The following UBE2W variants were observed in gnomAD, a reference collection of about 807,000 sequenced individuals.
The protein encoded by UBE2W is ubiquitin-conjugating enzyme E2 W.
A neutral mutation model predicts 27.2 loss-of-function variants in UBE2W; 18 were observed. That is an observed-to-expected ratio of 0.66 (90% CI 0.46 to 0.98). UBE2W has a LOEUF of 0.98. Ranked by LOEUF, UBE2W falls within the 50% of genes least tolerant of loss-of-function variation. UBE2W has a pLI of 0.00. For synonymous variants in UBE2W, 53 were observed against 57.2 expected (o/e 0.93, Z 0.33); for missense variants, 90 against 180.2 (o/e 0.50, Z 2.87).
chr8:73,874,768 T>C (rs1812148028), intron 1 of UBE2W, among the ~76,000 whole-genome samples: 1 of 152,232 alleles, frequency 6.6e-6, no homozygotes, highest in African/African-American at 2.4e-5. Flanking sequence ...ATTCTCTTAA[T>C]GATGGTTTCT....
chr8:73,871,160 A>C (rs992996307), intron 1 of UBE2W, among the ~76,000 whole-genome samples: 1 of 152,212 alleles, frequency 6.6e-6, no homozygotes, highest in African/African-American at 2.4e-5. Context: ...GCAAGAAATG[A>C]GGATGTCATC....
chr8:73,838,260 C>T (rs866527125), intron 1 of UBE2W, among the ~76,000 whole-genome samples: 31 of 152,252 alleles, frequency 2.0e-4, no homozygotes, highest in Non-Finnish European at 4.3e-4. Context: ...TGATATGAAA[C>T]CACACTAATT....
Position 73,790,757 on chromosome 8 carries a change from C to T in UBE2W, c.*3345G>A, listed in dbSNP as rs1239298522. ...GCTTTTAAAAAATAAGACTTGATTA[C>T]CAGAAACAAGTAATATGTAGTTACA... On this transcript the variant is annotated 3_prime_UTR_variant, in exon 6 of 6. Transcript: ENST00000602593. The T allele has an allele frequency of 3.5e-5, 34 of 974,888 alleles. No individual in the cohort carries two copies. The highest frequency in any genetic ancestry group is 6.2e-5 in the Admixed American group (1 of 16,246). 60.4% of individuals were successfully genotyped at this position (974,888 alleles called of 1,614,324 possible).
chr8:73,786,117 T>C (rs1020291852), downstream of UBE2W: 18 of 707,686 alleles, frequency 2.5e-5, no homozygotes, highest in Non-Finnish European at 2.9e-5. Context: ...TATGATTTTA[T>C]GGTTCCTGAG....
At chr8:73,807,128 T>C (rs1187300442) in intron 4 of UBE2W, among the ~76,000 whole-genome samples, 1 of 152,248 alleles carries the variant, frequency 6.6e-6, no homozygotes, top group Admixed American at 6.5e-5. Context: ...TTATAGATAC[T>C]ATGATAGATA....
At chr8:73,838,118 T>C (rs1018935000) in intron 1 of UBE2W, among the ~76,000 whole-genome samples, 1 of 152,190 alleles carries the variant, frequency 6.6e-6, no homozygotes, top group African/African-American at 2.4e-5. Flanking sequence ...TAAGAAGGAT[T>C]CTGATACATC....
In UBE2W at chr8:73,787,198, C is replaced by G. The variant is rs1056338845; in HGVS notation, c.*6904G>C. 2.0e-6 allele frequency: 2 copies of G among 985,320 alleles called. No homozygotes were observed. The highest frequency in any genetic ancestry group is 2.4e-6 in the Non-Finnish European group (2 of 829,946). The allele number at this position is 985,320 out of a possible 1,614,324, so 61.0% of individuals were successfully genotyped here. A position where few individuals can be genotyped will look rare whatever the true frequency, so the allele number is the denominator to read the frequency against. ...TGGTTGAAAGGGGCTCCCAACAGGA[C>G]AGATAACCACAGTGGCTTTGAGCTT... On this transcript the variant is annotated 3_prime_UTR_variant, in exon 6 of 6. Transcript: ENST00000602593.
intron 1 of UBE2W, among the ~76,000 whole-genome samples, chr8:73,862,412 G>T (rs1279450106): frequency 6.6e-6 from 1 of 152,110 alleles, no homozygotes; most frequent in Non-Finnish European, 1.5e-5. Context: ...ATTAAATAGG[G>T]AATCCTTTCC....
intron 1 of UBE2W, among the ~76,000 whole-genome samples, chr8:73,842,988 G>T (rs992834218): frequency 6.6e-6 from 1 of 151,988 alleles, no homozygotes; most frequent in African/African-American, 2.4e-5. Context: ...ATTTTATTTC[G>T]CCTTCAAAAA....
intron 1 of UBE2W, among the ~76,000 whole-genome samples, chr8:73,866,001 G>A (rs1012387594): frequency 2.6e-5 from 4 of 151,976 alleles, no homozygotes; most frequent in Admixed American, 2.6e-4. Flanking sequence ...CAGCAGACCA[G>A]GAGCAGTGGC....
chr8:73,849,075 T>C (rs1810948677), intron 1 of UBE2W, among the ~76,000 whole-genome samples: 1 of 151,880 alleles, frequency 6.6e-6, no homozygotes, highest in South Asian at 2.1e-4. Context: ...ATGGAAAATG[T>C]TAATTGTTGA....
chr8:73,816,208 T>C (rs74833987), intron 3 of UBE2W, among the ~76,000 whole-genome samples: 8,201 of 152,264 alleles, frequency 0.054, 704 homozygotes, highest in African/African-American at 0.18. Flanking sequence ...TGGATGGTAA[T>C]CATTCTCTTC....
At chr8:73,842,035 A>C (rs2623809) in intron 1 of UBE2W, among the ~76,000 whole-genome samples, 2 of 152,136 alleles carry the variant, frequency 1.3e-5, no homozygotes, top group Non-Finnish European at 2.9e-5. Context: ...GTGGCCTCAA[A>C]GCAACCAGCA....
intron 1 of UBE2W, among the ~76,000 whole-genome samples, chr8:73,849,512 CAAAAAAAAAAAAAAAAAAA>C (rs71269951): frequency 4.4e-5 from 1 of 22,772 alleles, no homozygotes; most frequent in Non-Finnish European, 7.7e-5. Context: ...AACTCCATCT[CAAAAAAAAAAAAAAAAAAA>C]AAAAAAAAAA....
At chr8:73,805,472 C>CAAAAAACAAAACAAA (rs1808855133) in intron 5 of UBE2W, among the ~76,000 whole-genome samples, 179 bp downstream of exon 5, 1 of 43,676 alleles carries the variant, frequency 2.3e-5, no homozygotes, top group South Asian at 9.2e-4. Flanking sequence ...AAAAAAAAAA[C>CAAAAAACAAAACAAA]AAAAAAAACT....
chr8:73,819,074 C>G (rs530583280), intron 3 of UBE2W, among the ~76,000 whole-genome samples: 72 of 152,284 alleles, frequency 4.7e-4, no homozygotes, highest in Non-Finnish European at 8.8e-4. Context: ...AGAGCCTTTG[C>G]ATTTTGTCTT....
intron 3 of UBE2W, among the ~76,000 whole-genome samples, chr8:73,813,107 A>AAAAT (rs1809235226): frequency 6.8e-6 from 1 of 146,234 alleles, no homozygotes; most frequent in South Asian, 2.1e-4. Context: ...AAAAAAAAAA[A>AAAAT]AAGAACAACT....
rs1016742189 is a variant in UBE2W at position 73,793,273 on chromosome 8, T to G, written c.*829A>C. 5.1e-6 allele frequency: 5 copies of G among 985,730 alleles called. No homozygotes were observed. The African/African-American group carries it at 8.7e-5, about 17-fold the overall frequency. The allele number at this position is 985,730 out of a possible 1,614,324, so 61.1% of individuals were successfully genotyped here. A position where few individuals can be genotyped will look rare whatever the true frequency, so the allele number is the denominator to read the frequency against. ...ATGTACAAATAACAAGCCCAAATTATGGACTGCAGCAATTTAATCATCACT... is the reference window on the plus strand; with the variant it reads ...ATGTACAAATAACAAGCCCAAATTAGGGACTGCAGCAATTTAATCATCACT... On this transcript the variant is annotated 3_prime_UTR_variant, in exon 6 of 6. Transcript: ENST00000602593.
intron 5 of UBE2W, among the ~76,000 whole-genome samples, chr8:73,800,794 A>C (rs943588630): frequency 6.6e-6 from 1 of 152,190 alleles, no homozygotes; most frequent in Non-Finnish European, 1.5e-5. Flanking sequence ...GTTAACTCTA[A>C]GAAAAATAAC....
Sources: allele counts gnomAD v4.1 joint callset (sites outside exome capture counted in the v4.1 genomes callset), GRCh38; gene constraint gnomAD v4.1.1; transcripts MANE v1.5; gene names NCBI Gene and HGNC (gene_info 2026-07-23, HGNC 2026-07-21).